CHST11: variants seen among roughly 807,000 people sequenced by gnomAD.
The protein encoded by CHST11 is carbohydrate sulfotransferase 11.
Under a neutral mutation model 30.4 loss-of-function variants are expected in CHST11, and 9 were observed. The observed-to-expected ratio is 0.30, with a 90% CI of 0.18 to 0.52. The LOEUF (loss-of-function observed/expected upper bound fraction) is 0.52. Ranked by LOEUF, CHST11 falls within the 20% of genes least tolerant of loss-of-function variation. CHST11 has a pLI of 0.97. For missense variants in CHST11, 348 were observed against 460.6 expected (o/e 0.76, Z 2.24); for synonymous variants, 152 against 187.8 (o/e 0.81, Z 1.56).
chr12:104,648,056 C>T (rs777231844), intron 2 of CHST11, among the ~76,000 whole-genome samples: 10 of 152,268 alleles, frequency 6.6e-5, no homozygotes, highest in East Asian at 1.9e-4. Flanking sequence ...CTGTTGGTCA[C>T]ATAGGTCAAT....
At chr12:104,749,137 T>G (rs2040411200) in intron 2 of CHST11, among the ~76,000 whole-genome samples, 1 of 152,178 alleles carries the variant, frequency 6.6e-6, no homozygotes, top group Non-Finnish European at 1.5e-5. Flanking sequence ...TGGAAGTGAA[T>G]CGTGGCATTA....
chr12:104,690,734 T>G (rs1273892210), intron 2 of CHST11, among the ~76,000 whole-genome samples: 1 of 152,022 alleles, frequency 6.6e-6, no homozygotes, highest in East Asian at 1.9e-4. Flanking sequence ...AAGGCTGAGG[T>G]GGGAGGATCA....
At chr12:104,693,849 A>G (rs1432898548) in intron 2 of CHST11, among the ~76,000 whole-genome samples, 3 of 152,068 alleles carry the variant, frequency 2.0e-5, no homozygotes, top group African/African-American at 7.2e-5. Context: ...GCACACCCCT[A>G]CTCTCTGGGA....
chr12:104,516,595 C>G (rs915443910), intron 1 of CHST11, among the ~76,000 whole-genome samples: 1 of 151,932 alleles, frequency 6.6e-6, no homozygotes, highest in Admixed American at 6.5e-5. Flanking sequence ...ATCTGAACTC[C>G]AGGAGGGGAG....
chr12:104,608,508 T>G (rs545713064), intron 2 of CHST11, among the ~76,000 whole-genome samples: 5 of 152,272 alleles, frequency 3.3e-5, no homozygotes, highest in Admixed American at 3.3e-4. Context: ...AGCAAGCCTT[T>G]GTCTACTTGC....
intron 1 of CHST11, among the ~76,000 whole-genome samples, chr12:104,594,170 G>T (rs1234930907): frequency 6.6e-6 from 1 of 152,184 alleles, no homozygotes; most frequent in African/African-American, 2.4e-5. Flanking sequence ...CCTGGCAGGT[G>T]AGGGGCTTGG....
At chr12:104,503,163 T>A (rs1374804223) in intron 1 of CHST11, among the ~76,000 whole-genome samples, 2 of 152,210 alleles carry the variant, frequency 1.3e-5, no homozygotes, top group Non-Finnish European at 2.9e-5. Context: ...ATCGTCAGGG[T>A]GGTGCGCGAC....
At chr12:104,518,292 AAT>A (rs891527445) in intron 1 of CHST11, among the ~76,000 whole-genome samples, 2 of 152,050 alleles carry the variant, frequency 1.3e-5, no homozygotes, top group African/African-American at 4.8e-5. Flanking sequence ...GTCTCAAAAA[AAT>A]AAACATAAAA....
chr12:104,500,524 G>A (rs1446631774), intron 1 of CHST11, among the ~76,000 whole-genome samples: 1 of 148,166 alleles, frequency 6.7e-6, no homozygotes, highest in Admixed American at 6.7e-5. Flanking sequence ...AGACTTATTC[G>A]TTTTTTAGTT....
intron 1 of CHST11, among the ~76,000 whole-genome samples, chr12:104,479,874 C>T (rs2135959916): frequency 6.6e-6 from 1 of 152,304 alleles, no homozygotes; most frequent in Middle Eastern, 3.4e-3. Context: ...CCATGTCTGC[C>T]TTCCTGCCAG....
At chr12:104,708,201 T>G (rs1592850976) in intron 2 of CHST11, among the ~76,000 whole-genome samples, 1 of 152,348 alleles carries the variant, frequency 6.6e-6, no homozygotes, top group East Asian at 1.9e-4. Flanking sequence ...CCACAGGCTT[T>G]GCAGTTAGGC....
At position 104,458,655 on chromosome 12, in the gene CHST11, C is replaced by G. The variant is rs539805900; in HGVS notation, c.118+1126C>G. Reference sequence around the variant, plus strand: ...TCCCTTTTACCCTCCCTTAGCAGCCCCCTGCCGGGCCACGTTGGCTCAGAA... The same window carrying G: ...TCCCTTTTACCCTCCCTTAGCAGCCGCCTGCCGGGCCACGTTGGCTCAGAA... On this transcript the variant is annotated intron_variant, in intron 1 of 2. Transcript: ENST00000303694. The surrounding 1 kb of genome is among the most constrained non-coding windows in gnomAD (Gnocchi z 5.7). Among the ~76,000 whole-genome samples, 1 of 152,344 alleles carries G rather than the reference C, an allele frequency of 6.6e-6. No homozygotes were observed. Among genetic ancestry groups the G allele is most frequent in the East Asian group, 1.9e-4 (1 of 5,178 alleles).
At position 104,461,121 on chromosome 12, in the gene CHST11, T is replaced by C. The variant is rs1282748029; in HGVS notation, c.118+3592T>C. Among the ~76,000 whole-genome samples, 12 of 152,212 alleles carry C rather than the reference T, an allele frequency of 7.9e-5. No individual in the cohort carries two copies. In the East Asian group the frequency reaches 2.3e-3, roughly 29 times the overall value. ...GGCTCTGTCTGGTGGGGAAACTTCC[T>C]GCCTTCCTGAACTGTGACACGGACC... On this transcript the variant is annotated intron_variant, in intron 1 of 2. Transcript: ENST00000303694.
chr12:104,695,112 C>T lies in CHST11; in HGVS notation c.205-61837C>T, dbSNP rs143465903. ...TCCTGGCATCATCATTTGGCAGGAA[C>T]ACGTGTGGCCTTTCACAAGCAACAG... On this transcript the variant is annotated intron_variant, in intron 2 of 2. Coordinates refer to ENST00000303694, the MANE Select transcript of CHST11 (RefSeq NM_018413.6). Among the ~76,000 whole-genome samples the T allele has an allele frequency of 2.5e-3, 381 of 152,332 alleles. 1 individual carries two copies. Among genetic ancestry groups the T allele is most frequent in the African/African-American group, 8.5e-3 (354 of 41,570 alleles).
intron 2 of CHST11, among the ~76,000 whole-genome samples, chr12:104,688,942 G>A (rs1282941589): frequency 6.6e-6 from 1 of 152,168 alleles, no homozygotes; most frequent in Admixed American, 6.5e-5. Context: ...GCAAGAAGGG[G>A]CAAGAAGGAG....
chr12:104,512,954 C>T (rs1423895188), intron 1 of CHST11, among the ~76,000 whole-genome samples: 1 of 152,044 alleles, frequency 6.6e-6, no homozygotes, highest in Non-Finnish European at 1.5e-5. Context: ...AAAAATTCCC[C>T]AGCAAAAGCA....
chr12:104,556,360 G>C (rs929309930), intron 1 of CHST11, among the ~76,000 whole-genome samples: 5 of 152,090 alleles, frequency 3.3e-5, no homozygotes, highest in Non-Finnish European at 4.4e-5. Flanking sequence ...TGTGATCCTG[G>C]AGTTTGGCAG....
chr12:104,680,238 G>C (rs1196551338), intron 2 of CHST11, among the ~76,000 whole-genome samples: 1 of 152,276 alleles, frequency 6.6e-6, no homozygotes, highest in Non-Finnish European at 1.5e-5. Context: ...GAGTGAGCCA[G>C]TGGGTGTTGC....
chr12:104,602,155 T>A lies in CHST11; in HGVS notation c.204+164T>A, dbSNP rs139330480. On this transcript the variant is annotated intron_variant, in intron 2 of 2. Transcript: ENST00000303694. ...TCCGTCACCCTTTTTCTATGTAGCA[T>A]CTCTGAAAAATCTAGCAGGGGATGT... The A allele has an allele frequency of 4.3e-5, 26 of 610,162 alleles. No homozygotes were observed. In the East Asian group the frequency reaches 7.2e-4, roughly 17 times the overall value. The allele number at this position is 610,162 out of a possible 1,614,324, so 37.8% of individuals were successfully genotyped here. A position where few individuals can be genotyped will look rare whatever the true frequency, so the allele number is the denominator to read the frequency against.
Sources: allele counts gnomAD v4.1 joint callset (sites outside exome capture counted in the v4.1 genomes callset), GRCh38; gene constraint gnomAD v4.1.1; non-coding constraint Gnocchi (gnomAD v3.1); transcripts MANE v1.5; gene names NCBI Gene and HGNC (gene_info 2026-07-23, HGNC 2026-07-21).